The following LYRM9 variants were observed in gnomAD, a reference collection of about 807,000 sequenced individuals.
The protein encoded by LYRM9 is LYR motif-containing protein 9.
In LYRM9, 14 loss-of-function variants were observed where a neutral mutation model predicts 12.6. That is an observed-to-expected ratio of 1.11 (90% CI 0.73 to 1.73). LYRM9 has a LOEUF of 1.73. LYRM9 is among the 40% of genes most tolerant of loss of function. The probability of loss-of-function intolerance (pLI) is 0.00; values close to 1 mark genes in which losing one functional copy is unlikely to be tolerated. For synonymous variants in LYRM9, 42 were observed against 35.1 expected, an observed-to-expected ratio of 1.20 and a Z score of -0.69; for missense variants, 94 against 95.0, an observed-to-expected ratio of 0.99 and a Z score of 0.04.
chr17:27,882,422 C>T, intron 2 of LYRM9, 147 bp downstream of exon 2: 2 of 1,147,148 alleles, frequency 1.7e-6, no homozygotes, highest in Non-Finnish European at 2.4e-6. Flanking sequence ...GCTGGGCTGC[C>T]CAGCACTGGT....
At chr17:27,888,283 TG>T (rs1905301619) in intron 1 of LYRM9, among the ~76,000 whole-genome samples, 1 of 152,324 alleles carries the variant, frequency 6.6e-6, no homozygotes, top group Admixed American at 6.5e-5. Flanking sequence ...GTGGGAGGCC[TG>T]TGGTTACCTT....
At chr17:27,885,082 C>G (rs377391426) in intron 1 of LYRM9, among the ~76,000 whole-genome samples, 1 of 152,198 alleles carries the variant, frequency 6.6e-6, no homozygotes, top group Admixed American at 6.5e-5. Flanking sequence ...ACCATCTATT[C>G]TCCCTTCTAG....
chr17:27,879,350 T>G lies in LYRM9; in HGVS notation c.*123A>C, dbSNP rs1904956594. ...GAGCCTCTGGAGCAAGGTCAGCTTC[T>G]CCCCTGATTTCTGGCTTTCAGCCAA... On this transcript the variant is annotated 3_prime_UTR_variant, in exon 4 of 4. Coordinates refer to ENST00000379102, the MANE Select transcript of LYRM9 (RefSeq NM_001076680.3). 4.6e-6 allele frequency: 5 copies of G among 1,090,780 alleles called. No homozygotes were observed. The South Asian group carries it at 6.9e-5, about 15-fold the overall frequency. 67.6% of individuals were successfully genotyped at this position (1,090,780 alleles called of 1,614,324 possible). A position where few individuals can be genotyped will look rare whatever the true frequency, so the allele number is the denominator to read the frequency against.
chr17:27,882,874 T>C lies in LYRM9; in HGVS notation c.-18-162A>G, dbSNP rs550818112. 9.0e-5 allele frequency: 69 copies of C among 765,092 alleles called. 1 individual carries two copies. The South Asian group carries it at 1.1e-3, about 12-fold the overall frequency. 47.4% of individuals were successfully genotyped at this position (765,092 alleles called of 1,614,324 possible). The stretch of plus-strand genomic sequence containing the variant: ...ACCTTGGGGTGGGGTGGGCATTCAG[T>C]TCAACAGAAGCTCTAGCCCAGAGCA... On this transcript the variant is annotated intron_variant, in intron 1 of 3. Transcript: ENST00000379102.
chr17:27,891,041 TGG>T (rs1383489448), intron 1 of LYRM9, among the ~76,000 whole-genome samples: 1 of 151,850 alleles, frequency 6.6e-6, no homozygotes, highest in Non-Finnish European at 1.5e-5. Context: ...CATACCTGGC[TGG>T]GACTATCCGA....
At chr17:27,890,920 T>G (rs1166925668) in intron 1 of LYRM9, among the ~76,000 whole-genome samples, 1 of 144,704 alleles carries the variant, frequency 6.9e-6, no homozygotes, top group Non-Finnish European at 1.5e-5. Context: ...GGGGCAGCAA[T>G]CCCTGCCTCC....
chr17:27,883,226 G>C (rs1597591138), intron 1 of LYRM9: 1 of 298,520 alleles, frequency 3.3e-6, no homozygotes, highest in Admixed American at 4.5e-5. Flanking sequence ...AGACCCACCA[G>C]ATCAAACCTG....
At chr17:27,881,520 A>G (rs1905058461) in intron 2 of LYRM9, among the ~76,000 whole-genome samples, 1 of 151,956 alleles carries the variant, frequency 6.6e-6, no homozygotes, top group Non-Finnish European at 1.5e-5. Flanking sequence ...TCACTTACAG[A>G]AAGTTGTGAT....
At chr17:27,889,199 A>G (rs138563324) in intron 1 of LYRM9, among the ~76,000 whole-genome samples, 36 of 152,162 alleles carry the variant, frequency 2.4e-4, no homozygotes, top group African/African-American at 8.4e-4. Context: ...ACCTCCTTTG[A>G]CCTGGGAATT....
chr17:27,887,833 G>C (rs1905289216), intron 1 of LYRM9, among the ~76,000 whole-genome samples: 1 of 152,014 alleles, frequency 6.6e-6, no homozygotes, highest in Non-Finnish European at 1.5e-5. Flanking sequence ...AAAATCTGCA[G>C]AGCCAATGTC....
At chr17:27,889,706 A>T (rs534401165) in intron 1 of LYRM9, among the ~76,000 whole-genome samples, 5 of 152,186 alleles carry the variant, frequency 3.3e-5, no homozygotes, top group African/African-American at 9.7e-5. Context: ...TATCAACTCA[A>T]TTCAACAAAA....
In LYRM9 at chr17:27,886,694, G is replaced by A. The variant is rs1439273750; in HGVS notation, c.-18-3982C>T. Among the ~76,000 whole-genome samples the A allele has an allele frequency of 1.3e-5, 2 of 149,566 alleles. No individual in the cohort carries two copies. Among genetic ancestry groups the A allele is most frequent in the Non-Finnish European group, 3.0e-5 (2 of 67,594 alleles). On this transcript the variant is annotated intron_variant, in intron 1 of 3. Coordinates refer to ENST00000379102, the MANE Select transcript of LYRM9 (RefSeq NM_001076680.3). The surrounding 1 kb of genome is among the most constrained non-coding windows in gnomAD (Gnocchi z 4.8). ...GACAGAGTTTCGCTCTTGTTGCCCA[G>A]GCTGGAGTGCAATGGCGCAATCTCG...
chr17:27,889,829 T>C (rs954206027), intron 1 of LYRM9, among the ~76,000 whole-genome samples: 1 of 152,094 alleles, frequency 6.6e-6, no homozygotes, highest in African/African-American at 2.4e-5. Flanking sequence ...ATTCAGAGCA[T>C]CTAGCACCTG....
rs894017684 is a variant in LYRM9 at position 27,878,439 on chromosome 17, T to A, written c.*1034A>T. 8.5e-5 allele frequency: 13 copies of A among 152,360 alleles called. No individual in the cohort carries two copies. The highest frequency in any genetic ancestry group is 3.4e-3 in the Middle Eastern group (1 of 294). 9.4% of individuals were successfully genotyped at this position (152,360 alleles called of 1,614,324 possible). A position where few individuals can be genotyped will look rare whatever the true frequency, so the allele number is the denominator to read the frequency against. On this transcript the variant is annotated 3_prime_UTR_variant, in exon 4 of 4. Transcript: ENST00000379102. ...TATCTCTGAGTCACTTTAAGTCACA[T>A]AACTGCAAGGATACAAACAAACACT...
chr17:27,880,021 G>A (rs901049502), intron 3 of LYRM9: 9 of 671,402 alleles, frequency 1.3e-5, no homozygotes, highest in African/African-American at 1.1e-4. Context: ...CTCTCAGCTC[G>A]ATCAGCACTG....
chr17:27,892,656 G>A, intron 1 of LYRM9: 1 of 316,132 alleles, frequency 3.2e-6, no homozygotes, highest in South Asian at 2.6e-5. Flanking sequence ...GGGAGTAGAT[G>A]GGAGGGGGGA....
At chr17:27,879,597 G>A in intron 3 of LYRM9, 107 bp from the exon 4 acceptor site, 3 of 1,281,856 alleles carry the variant, frequency 2.3e-6, no homozygotes, top group Non-Finnish European at 3.2e-6. Context: ...CCTCCTGCAG[G>A]GGCTTCTTGG....
intron 2 of LYRM9, among the ~76,000 whole-genome samples, chr17:27,882,118 A>G (rs1034172614): frequency 1.4e-4 from 21 of 152,158 alleles, no homozygotes; most frequent in African/African-American, 5.1e-4. Flanking sequence ...TTTAGTCACC[A>G]TATCTCTTGA....
At chr17:27,893,289 C>G (rs1022685827) in intron 1 of LYRM9, 28 bp downstream of exon 1, 1 of 152,886 alleles carries the variant, frequency 6.5e-6, no homozygotes, top group Non-Finnish European at 1.5e-5. Context: ...CCCCCGCCCT[C>G]GGCCTCGGCC....
Sources: gnomAD v4.1 joint callset for allele counts (sites outside exome capture counted in the v4.1 genomes callset) on GRCh38, gnomAD v4.1.1 for gene constraint, Gnocchi (gnomAD v3.1) non-coding constraint, MANE v1.5 for transcripts, NCBI Gene and HGNC (gene_info 2026-07-23, HGNC 2026-07-21) for gene names.